The following SNRNP35 variants were observed in gnomAD, a reference collection of about 807,000 sequenced individuals.
SNRNP35 encodes the protein U11/U12 small nuclear ribonucleoprotein 35 kDa protein.
SNRNP35 carries 16 observed loss-of-function variants against 24.3 expected under a neutral mutation model. The observed-to-expected ratio is 0.66, with a 90% CI of 0.45 to 1.00. SNRNP35 has a LOEUF of 1.00. SNRNP35 is among the 50% of genes least tolerant of loss of function. The pLI is 0.00. For synonymous variants in SNRNP35, 106 were observed against 124.8 expected, an observed-to-expected ratio of 0.85 and a Z score of 1.00; for missense variants, 292 against 327.2, an observed-to-expected ratio of 0.89 and a Z score of 0.83.
chr12:123,470,572 T>TC (rs1881143173), downstream of SNRNP35: 1 of 151,650 alleles, frequency 6.6e-6, no homozygotes, highest in Non-Finnish European at 1.5e-5. Context: ...GGTCAGGAGT[T>TC]CGAGACCTCG....
exon 2 of SNRNP35, chr12:123,472,431 G>A: frequency 4.1e-6 from 5 of 1,228,336 alleles, no homozygotes; most frequent in East Asian, 2.6e-5. Context: ...AGTTTTCAGG[G>A]TGCATCTGCA....
Position 123,465,932 on chromosome 12 carries a change from C to CA in SNRNP35, c.392_393insA (p.Leu132SerfsTer36). ...TTTGTGGACTACGAGCTGGAAAGGA[C>CA]TCTCAAAGGGTGGATCCCTCGGCGA... On this transcript the variant is annotated frameshift_variant, in exon 2 of 2. Coordinates refer to ENST00000526639, the MANE Select transcript of SNRNP35 (RefSeq NM_022717.4). LOFTEE classifies it high-confidence loss of function. This position sits in a 1 kb window ranked among gnomAD's most constrained non-coding sequence, Gnocchi z 4.2. The CA allele has an allele frequency of 2.5e-6, 4 of 1,613,860 alleles. No homozygotes were observed. The highest frequency in any genetic ancestry group is 3.4e-6 in the Non-Finnish European group (4 of 1,179,986).
chr12:123,461,052 G>A (rs1880591770), intron 1 of SNRNP35, among the ~76,000 whole-genome samples: 1 of 149,602 alleles, frequency 6.7e-6, no homozygotes, highest in South Asian at 2.1e-4. Context: ...TGGGCTCAAG[G>A]GATCCTCCCA....
intron 1 of SNRNP35, chr12:123,459,865 A>G (rs750748392): frequency 1.3e-6 from 2 of 1,596,480 alleles, no homozygotes; most frequent in South Asian, 1.1e-5. Flanking sequence ...GAGGAAGTGC[A>G]CCTAGAAAGA....
At chr12:123,472,520 G>T (rs1335779009) in exon 2 of SNRNP35, 7 of 1,550,250 alleles carry the variant, frequency 4.5e-6, no homozygotes, top group African/African-American at 1.4e-5. Flanking sequence ...CAGGTTGGAG[G>T]GTGGAGATGG....
At chr12:123,472,658 C>T in exon 2 of SNRNP35, 3 of 1,598,950 alleles carry the variant, frequency 1.9e-6, no homozygotes, top group Non-Finnish European at 2.6e-6. Flanking sequence ...CCAGGCGCTT[C>T]TTATCTCGGG....
chr12:123,461,814 T>C (rs1163474096), intron 1 of SNRNP35, among the ~76,000 whole-genome samples: 1 of 151,540 alleles, frequency 6.6e-6, no homozygotes, highest in Non-Finnish European at 1.5e-5. Context: ...CTCCGACTCC[T>C]GGTTTCAAGC....
At chr12:123,461,876 C>T (rs1030891914) in intron 1 of SNRNP35, among the ~76,000 whole-genome samples, 32 of 152,100 alleles carry the variant, frequency 2.1e-4, no homozygotes, top group Non-Finnish European at 2.5e-4. Flanking sequence ...CGCCCGCCAC[C>T]ACACCCAGCT....
At chr12:123,470,473 C>CAAAAAAAA (rs57574691), downstream of SNRNP35, 1 of 86,160 alleles carries the variant, frequency 1.2e-5, no homozygotes, top group African/African-American at 4.1e-5. Flanking sequence ...ACCCTGTGTC[C>CAAAAAAAA]AAAAAAAAAA....
At chr12:123,469,444 C>T (rs1022547090), downstream of SNRNP35, among the ~76,000 whole-genome samples, 1 of 152,032 alleles carries the variant, frequency 6.6e-6, no homozygotes, top group Admixed American at 6.6e-5. Context: ...TGAACCACTG[C>T]TCCTGGCCAT....
intron 1 of SNRNP35, among the ~76,000 whole-genome samples, chr12:123,462,859 T>A (rs1880712364): frequency 6.6e-6 from 1 of 152,026 alleles, no homozygotes; most frequent in African/African-American, 2.4e-5. Context: ...GCTTTTTTAC[T>A]GAGGAAAGAA....
intron 1 of SNRNP35, among the ~76,000 whole-genome samples, chr12:123,460,584 A>G (rs1880551771): frequency 8.5e-6 from 1 of 116,966 alleles, no homozygotes; most frequent in Non-Finnish European, 1.7e-5. Flanking sequence ...TATGCAATAT[A>G]GTGAGACCCC....
exon 2 of SNRNP35, chr12:123,472,076 C>T (rs1024577599): frequency 5.9e-5 from 10 of 168,340 alleles, no homozygotes; most frequent in Non-Finnish European, 1.3e-5. Flanking sequence ...AATACGTTAC[C>T]ATCACAATTT....
chr12:123,472,940 C>T, exon 2 of SNRNP35: 2 of 414,652 alleles, frequency 4.8e-6, no homozygotes, highest in Admixed American at 3.6e-5. Flanking sequence ...TGTGAGGTGT[C>T]TTCCACGTTA....
At chr12:123,461,123 C>CA (rs1555262416) in intron 1 of SNRNP35, among the ~76,000 whole-genome samples, 2 of 140,642 alleles carry the variant, frequency 1.4e-5, no homozygotes, top group Non-Finnish European at 3.1e-5. Context: ...CCTCTTCTTT[C>CA]TTTTTTTTTT....
chr12:123,459,905 G>C, intron 1 of SNRNP35: 1 of 1,558,156 alleles, frequency 6.4e-7, no homozygotes. Context: ...CCAGCTGTTA[G>C]TATCTATAGA....
chr12:123,469,414 A>G (rs1379526213), downstream of SNRNP35, among the ~76,000 whole-genome samples: 1 of 152,078 alleles, frequency 6.6e-6, no homozygotes, highest in African/African-American at 2.4e-5. Context: ...CAGCCTCCCA[A>G]AGTGCTGGGA....
intron 1 of SNRNP35, among the ~76,000 whole-genome samples, chr12:123,458,505 G>A (rs1409235627): frequency 6.6e-6 from 1 of 152,024 alleles, no homozygotes; most frequent in Non-Finnish European, 1.5e-5. Flanking sequence ...AGAAACTTAG[G>A]TGTTTGCCTC....
At chr12:123,460,956 CT>C (rs35246652) in intron 1 of SNRNP35, among the ~76,000 whole-genome samples, 1,611 of 122,750 alleles carry the variant, frequency 0.013, 15 homozygotes, top group Middle Eastern at 0.03. Flanking sequence ...TGCGCCTGGC[CT>C]TTTTTTTTTT....
Sources: allele counts gnomAD v4.1 joint callset (sites outside exome capture counted in the v4.1 genomes callset), GRCh38; gene constraint gnomAD v4.1.1; non-coding constraint Gnocchi (gnomAD v3.1); transcripts MANE v1.5; gene names NCBI Gene and HGNC (gene_info 2026-07-23, HGNC 2026-07-21).